NCEH1: variants seen among roughly 807,000 people sequenced by gnomAD.
NCEH1 encodes the protein neutral cholesterol ester hydrolase 1, also known as 2-acetyl MAGE hydrolase.
A neutral mutation model predicts 25.4 loss-of-function variants in NCEH1; 9 were observed. That is an observed-to-expected ratio of 0.35 (90% CI 0.21 to 0.62). The LOEUF (loss-of-function observed/expected upper bound fraction) is 0.62. Among genes scored for constraint, NCEH1 ranks in the 20% least tolerant of loss-of-function variants. NCEH1 has a pLI of 0.72. For synonymous variants in NCEH1, 200 were observed against 199.8 expected (o/e 1.00, Z -0.01); for missense variants, 412 against 501.1 (o/e 0.82, Z 1.70).
Position 172,644,794 on chromosome 3 carries a change from G to A in NCEH1, c.437+829C>T, listed in dbSNP as rs180914031. ...AATAAACAAAACAAACAACAATCCT[G>A]AAATGTTTGCCTTTATAAAATTCAT... On this transcript the variant is annotated intron_variant, in intron 3 of 4. Coordinates refer to ENST00000475381, the MANE Select transcript of NCEH1 (RefSeq NM_020792.6). Among the ~76,000 whole-genome samples, 260 of 152,254 alleles carry A rather than the reference G, an allele frequency of 1.7e-3. 1 individual carries two copies. The highest frequency in any genetic ancestry group is 6.6e-3 in the South Asian group (32 of 4,818).
chr3:172,685,560 A>C (rs1157929256), intron 1 of NCEH1, among the ~76,000 whole-genome samples: 1 of 152,244 alleles, frequency 6.6e-6, no homozygotes, highest in African/African-American at 2.4e-5. Context: ...ACGTTCAGAC[A>C]AGAATCAGGG....
At chr3:172,651,397 A>C (rs1717399489) in intron 1 of NCEH1, among the ~76,000 whole-genome samples, 1 of 152,054 alleles carries the variant, frequency 6.6e-6, no homozygotes, top group African/African-American at 2.4e-5. Flanking sequence ...TCTTTCCCTT[A>C]GCTCTTCACA....
At chr3:172,634,642 C>G (rs1204811271) in intron 4 of NCEH1, among the ~76,000 whole-genome samples, 1 of 152,156 alleles carries the variant, frequency 6.6e-6, no homozygotes, top group East Asian at 1.9e-4. Flanking sequence ...ACATAATGAG[C>G]ATATGCCAGA....
chr3:172,630,682 AACATGATTCAGAATAG>A lies in NCEH1; in HGVS notation c.*2777_*2792del, dbSNP rs2108483838. The A allele has an allele frequency of 6.6e-6, 1 of 152,390 alleles. No homozygotes were observed. The highest frequency in any genetic ancestry group is 1.5e-5 in the Non-Finnish European group (1 of 68,038). 9.4% of individuals were successfully genotyped at this position (152,390 alleles called of 1,614,324 possible). The stretch of plus-strand genomic sequence containing the variant: ...CCCAGATGGAGCAATTTTATTTCCA[AACATGATTCAGAATAG>A]ATAGATGCTTTGCTACCTCCACACT... On this transcript the variant is annotated 3_prime_UTR_variant, in exon 5 of 5. Transcript: ENST00000475381.
rs540865212 is a variant in NCEH1 at position 172,683,786 on chromosome 3, A to C, written c.138+27061T>G. Reference sequence around the variant, plus strand: ...ATAGGCTGGCATATAGCAGTTAAGAATTTTCAAGAAGAATACATCTAATGT... The same window carrying C: ...ATAGGCTGGCATATAGCAGTTAAGACTTTTCAAGAAGAATACATCTAATGT... On this transcript the variant is annotated intron_variant, in intron 1 of 4. Transcript: ENST00000475381. Among the ~76,000 whole-genome samples the C allele has an allele frequency of 3.9e-5, 6 of 152,352 alleles. No homozygotes were observed. The South Asian group carries it at 1.2e-3, about 32-fold the overall frequency.
intron 3 of NCEH1, among the ~76,000 whole-genome samples, chr3:172,636,793 T>A (rs898091048): frequency 6.6e-6 from 1 of 152,232 alleles, no homozygotes; most frequent in African/African-American, 2.4e-5. Flanking sequence ...GTAGAATTCA[T>A]ATCCCCTTAA....
intron 1 of NCEH1, among the ~76,000 whole-genome samples, chr3:172,693,045 C>A (rs1311403808): frequency 6.6e-6 from 1 of 152,198 alleles, no homozygotes; most frequent in Non-Finnish European, 1.5e-5. Flanking sequence ...CTTACAGGGG[C>A]TTCCTCCAAC....
rs1297408631 is a variant in NCEH1, at chr3:172,630,600, G to T, written c.*2875C>A. 3.3e-5 allele frequency: 5 copies of T among 152,134 alleles called. No homozygotes were observed. The highest frequency in any genetic ancestry group is 5.9e-5 in the Non-Finnish European group (4 of 68,026). 9.4% of individuals were successfully genotyped at this position (152,134 alleles called of 1,614,324 possible). On this transcript the variant is annotated 3_prime_UTR_variant, in exon 5 of 5. Coordinates refer to ENST00000475381, the MANE Select transcript of NCEH1 (RefSeq NM_020792.6). ...AATTTGGCATACAGAAAGAAGAGAA[G>T]AGAACACTGTTTTCAAATGGGAAAC...
chr3:172,703,004 A>T (rs1053401850), intron 1 of NCEH1: 6 of 152,132 alleles, frequency 3.9e-5, no homozygotes, highest in African/African-American at 1.4e-4. Context: ...AGAAAAAAAT[A>T]AAAAGTAAAA....
At chr3:172,705,814 T>C (rs1018324301) in intron 1 of NCEH1, among the ~76,000 whole-genome samples, 38 of 152,040 alleles carry the variant, frequency 2.5e-4, no homozygotes, top group African/African-American at 9.2e-4. Context: ...CTGACCAACA[T>C]GGTGAAACTC....
chr3:172,646,457 C>G (rs995336427), intron 2 of NCEH1, among the ~76,000 whole-genome samples: 3 of 151,984 alleles, frequency 2.0e-5, no homozygotes, highest in Non-Finnish European at 2.9e-5. Flanking sequence ...TAAATGAACA[C>G]GTAAAAAACT....
At position 172,632,603 on chromosome 3, in the gene NCEH1, GCT is replaced by G. The variant is rs1490931007; in HGVS notation, c.*870_*871del. 1 of 152,276 alleles carries G rather than the reference GCT, an allele frequency of 6.6e-6. No homozygotes were observed. The highest frequency in any genetic ancestry group is 2.4e-5 in the African/African-American group (1 of 41,384). 9.4% of individuals were successfully genotyped at this position (152,276 alleles called of 1,614,324 possible). ...TGACTATGCCAAGTATATTCACACT[GCT>G]CTTGGTACTTTATGTCAGAAGTATT... On this transcript the variant is annotated 3_prime_UTR_variant, in exon 5 of 5. Transcript: ENST00000475381.
At chr3:172,641,712 T>C (rs1716861884) in intron 3 of NCEH1, among the ~76,000 whole-genome samples, 1 of 152,128 alleles carries the variant, frequency 6.6e-6, no homozygotes, top group African/African-American at 2.4e-5. Flanking sequence ...CGTCCCTCCG[T>C]CTGTCTTCTC....
At chr3:172,680,509 A>G (rs1236998116) in intron 1 of NCEH1, among the ~76,000 whole-genome samples, 4 of 152,182 alleles carry the variant, frequency 2.6e-5, no homozygotes, top group Non-Finnish European at 4.4e-5. Context: ...GACAGACACC[A>G]GGTTGGAGTC....
chr3:172,660,408 C>T (rs1377013387), intron 1 of NCEH1, among the ~76,000 whole-genome samples: 3 of 152,214 alleles, frequency 2.0e-5, no homozygotes, highest in African/African-American at 7.2e-5. Flanking sequence ...CAAGTCTTTG[C>T]TATTGTGAAT....
intron 1 of NCEH1, among the ~76,000 whole-genome samples, chr3:172,694,612 G>C (rs968063801): frequency 2.0e-5 from 3 of 152,194 alleles, no homozygotes; most frequent in African/African-American, 7.2e-5. Flanking sequence ...TACGGGTTGA[G>C]ACTTTGAATG....
chr3:172,665,622 G>T (rs1388924421), intron 1 of NCEH1, among the ~76,000 whole-genome samples: 2 of 152,208 alleles, frequency 1.3e-5, no homozygotes, highest in Non-Finnish European at 2.9e-5. Flanking sequence ...GCCTCGTTGA[G>T]CTGTGGTGGG....
rs1312160407 is a variant in NCEH1, at chr3:172,657,711, G to GA, written c.139-9598dup. On this transcript the variant is annotated intron_variant, in intron 1 of 4. Coordinates refer to ENST00000475381, the MANE Select transcript of NCEH1 (RefSeq NM_020792.6). Reference sequence around the variant, plus strand: ...TCTGCTGACTTCCTGTTTCTTACAGGAAAAAAAGAAAAATCTAAAGTTGGC... The same window carrying GA: ...TCTGCTGACTTCCTGTTTCTTACAGGAAAAAAAAGAAAAATCTAAAGTTGGC... 1.1e-4 allele frequency among the ~76,000 whole-genome samples: 17 copies of GA among 151,976 alleles called. No individual in the cohort carries two copies. In the East Asian group the frequency reaches 1.5e-3, roughly 14 times the overall value.
At position 172,647,915 on chromosome 3, in the gene NCEH1, TG is replaced by T; in HGVS notation, c.337del (p.His113ThrfsTer26). 6.2e-7 allele frequency: 1 copy of T among 1,614,154 alleles called. No individual in the cohort carries two copies. Among genetic ancestry groups the T allele is most frequent in the Non-Finnish European group, 8.5e-7 (1 of 1,180,026 alleles). ...EPLKRSVVYI[H>X]GGGWALASAK... ...ACTTGCCAAGGCCCAGCCTCCTCCG[TG>T]GATATAAACGACGCTGCGTTTCAGT... On this transcript the variant is annotated frameshift_variant, in exon 2 of 5. Coordinates refer to ENST00000475381, the MANE Select transcript of NCEH1 (RefSeq NM_020792.6). LOFTEE classifies it high-confidence loss of function.
Sources: gnomAD v4.1 joint callset for allele counts (sites outside exome capture counted in the v4.1 genomes callset) on GRCh38, gnomAD v4.1.1 for gene constraint, MANE v1.5 for transcripts, NCBI Gene and HGNC (gene_info 2026-07-23, HGNC 2026-07-21) for gene names.